MXRA5: variants seen among roughly 807,000 people sequenced by gnomAD.
MXRA5 encodes the protein matrix-remodeling-associated protein 5.
In MXRA5, 41 loss-of-function variants were observed where a neutral mutation model predicts 112.5. That is an observed-to-expected ratio of 0.36 (90% CI 0.28 to 0.47). The LOEUF (loss-of-function observed/expected upper bound fraction) is 0.47. Among genes scored for constraint, MXRA5 ranks in the 20% least tolerant of loss-of-function variants. The pLI is 0.99. For synonymous variants in MXRA5, 862 were observed against 900.8 expected, an observed-to-expected ratio of 0.96 and a Z score of 0.77; for missense variants, 2,150 against 2,251.0, an observed-to-expected ratio of 0.96 and a Z score of 0.91.
At position 3,324,331 on chromosome X, in the gene MXRA5, G is replaced by A. The variant is rs1421832651; in HGVS notation, c.1354C>T (p.Leu452=). The change falls in exon 5 of 7, where the codon CTA becomes TTA. Residue 452 remains leucine, a synonymous_variant. Transcript: ENST00000217939. The part of the protein sequence containing the change: ...NRRQSTAKKV[L]LSYYTQYSQT... ...GAATACTGGGTGTAGTAGGAAAGTA[G>A]CACCTTCTTGGCCGTACTCTGACGT... 3 of 1,209,519 alleles carry A rather than the reference G, an allele frequency of 2.5e-6. No individual in the cohort carries two copies. Among genetic ancestry groups the A allele is most frequent in the Non-Finnish European group, 3.4e-6 (3 of 895,143 alleles).
At chrX:3,335,062 A>G (rs1921752183) in intron 2 of MXRA5, among the ~76,000 whole-genome samples, 1 of 111,693 alleles carries the variant, frequency 9.0e-6, no homozygotes, top group Admixed American at 9.5e-5. Context: ...CTCCTCTATA[A>G]TGGGGACATT....
chrX:3,328,691 G>A (rs1408261366), intron 4 of MXRA5, among the ~76,000 whole-genome samples: 4 of 108,363 alleles, frequency 3.7e-5, no homozygotes, highest in Non-Finnish European at 7.6e-5. Context: ...TCCAGGATAT[G>A]GTAAACACAA....
intron 4 of MXRA5, among the ~76,000 whole-genome samples, chrX:3,325,863 A>AT (rs751909103): frequency 3.1e-5 from 1 of 32,786 alleles, no homozygotes; most frequent in African/African-American, 8.6e-5. Flanking sequence ...TTATAATTAT[A>AT]ATTTATAATA....
chrX:3,317,370 T>C lies in MXRA5; in HGVS notation c.6311A>G (p.Asn2104Ser), dbSNP rs368971527. The change falls in exon 6 of 7, where the codon AAC becomes AGC. Residue 2104 changes from asparagine (N) to serine (S), a missense_variant. This residue lies in a region of MXRA5 where 1,485 missense variants were observed against 1,471.6 expected (regional missense o/e 1.01). Transcript: ENST00000217939. The part of the protein sequence containing the change: ...FLHGNLFVFP[N>S]GTLYIRNLAP... ...GAGGTTGCGGATGTAGAGCGTCCCGTTGGGGAAAACAAACAAGTTCCCGTG... is the reference window on the plus strand; with the variant it reads ...GAGGTTGCGGATGTAGAGCGTCCCGCTGGGGAAAACAAACAAGTTCCCGTG... The C allele has an allele frequency of 4.1e-6, 5 of 1,208,743 alleles. No individual in the cohort carries two copies. Among genetic ancestry groups the C allele is most frequent in the African/African-American group, 1.7e-5 (1 of 57,603 alleles).
chrX:3,321,616 A>G lies in MXRA5; in HGVS notation c.4069T>C (p.Ser1357Pro). 3 of 1,211,203 alleles carry G rather than the reference A, an allele frequency of 2.5e-6. No individual in the cohort carries two copies. Among genetic ancestry groups the G allele is most frequent in the African/African-American group, 3.5e-5 (2 of 57,806 alleles). ...AATTCTCCCATAGTGGAGACCAAGG[A>G]GCGAGAAGTTGGTATGGCATTAGTA... is the stretch of plus-strand genomic sequence containing the variant. ...SITNAIPTSR[S>P]LVSTMGEFKE... The change falls in exon 5 of 7, where the codon TCC (serine) becomes CCC (proline). Residue 1357 changes from serine (S) to proline (P), a missense_variant. Coordinates refer to ENST00000217939, the MANE Select transcript of MXRA5 (RefSeq NM_015419.4).
Position 3,317,397 on chromosome X carries a change from A to G in MXRA5, c.6284T>C (p.Leu2095Pro), listed in dbSNP as rs1252175267. The G allele has an allele frequency of 8.3e-7, 1 of 1,206,649 alleles. No homozygotes were observed. Reference protein sequence around the residue: ...DGTQIRPSQFLHGNLFVFPNG... With the variant: ...DGTQIRPSQFPHGNLFVFPNG... ...GGGGAAAACAAACAAGTTCCCGTGG[A>G]GGAACTGCGAGGGGCGGATCTGGGT... is the stretch of plus-strand genomic sequence containing the variant. The change falls in exon 6 of 7, where the codon CTC becomes CCC. Residue 2095 changes from leucine (L) to proline (P), a missense_variant. Leu to Pro is a moderately conservative substitution (Grantham distance 98). Coordinates refer to ENST00000217939, the MANE Select transcript of MXRA5 (RefSeq NM_015419.4).
In MXRA5 at chrX:3,323,810, T is replaced by C; in HGVS notation, c.1875A>G (p.Thr625=). The C allele has an allele frequency of 8.3e-7, 1 of 1,211,405 alleles. No homozygotes were observed. ...CATTTGGCAACATGTATACATGTGA[T>C]GTGTTAGCCAAATCATTAATTATCC... ...NRRIINDLAN[T]SHVYMLPNGT... Residue 625 remains threonine, a synonymous_variant, in exon 5 of 7, where the codon ACA becomes ACG. Transcript: ENST00000217939.
In MXRA5 at chrX:3,343,750, C is replaced by T. The variant is rs774579439; in HGVS notation, c.84G>A (p.Pro28=). The change falls in exon 2 of 7, where the codon CCG becomes CCA. Residue 28 remains proline, a synonymous_variant. Coordinates refer to ENST00000217939, the MANE Select transcript of MXRA5 (RefSeq NM_015419.4). ...TGGGGACGTAGCAGGCACAAGGATG[C>T]GGGCAGGCCAGCGCCACTCGCGGAT... ...WGHPRVALAC[P]HPCACYVPSE... is the part of the protein sequence containing the mutation. 2 of 1,211,047 alleles carry T rather than the reference C, an allele frequency of 1.7e-6. No individual in the cohort carries two copies. The highest frequency in any genetic ancestry group is 2.2e-6 in the Non-Finnish European group (2 of 895,150).
At chrX:3,319,603 T>G (rs1261780589) in intron 5 of MXRA5, among the ~76,000 whole-genome samples, 2 of 112,262 alleles carry the variant, frequency 1.8e-5, no homozygotes, top group Non-Finnish European at 3.8e-5. Context: ...ACACAAACTC[T>G]GGTTGAAGTG....
chrX:3,322,819 T>C lies in MXRA5; in HGVS notation c.2866A>G (p.Thr956Ala), dbSNP rs1391250059. ...AATGGAGGCTCATACTCACTGGATGTGGGCTCTGGTGACGATCCAACATCT... is the reference window on the plus strand; with the variant it reads ...AATGGAGGCTCATACTCACTGGATGCGGGCTCTGGTGACGATCCAACATCT... ...AADVGSSPEP[T>A]SSEYEPPLDA... is the part of the protein sequence containing the mutation. Residue 956 changes from threonine to alanine, a missense_variant, in exon 5 of 7, where the codon ACA becomes GCA. Coordinates refer to ENST00000217939, the MANE Select transcript of MXRA5 (RefSeq NM_015419.4). 8.3e-7 allele frequency: 1 copy of C among 1,209,837 alleles called. No homozygotes were observed. The highest frequency in any genetic ancestry group is 1.8e-5 in the African/African-American group (1 of 57,127).
chrX:3,330,397 G>A lies in MXRA5; in HGVS notation c.330C>T (p.Phe110=), dbSNP rs1451056921. The A allele has an allele frequency of 2.5e-6, 3 of 1,192,012 alleles. No homozygotes were observed. In the African/African-American group the frequency reaches 5.4e-5, roughly 21 times the overall value. Reference sequence around the variant, plus strand: ...TGATCACTCTCAGCTTGTTGTAGCTGAACTTGAAAACCTGCAAGGACAGGG... The same window carrying A: ...TGATCACTCTCAGCTTGTTGTAGCTAAACTTGAAAACCTGCAAGGACAGGG... The part of the protein sequence containing the change: ...RDLSSLQVFK[F]SYNKLRVITG... The change falls in exon 4 of 7, where the codon TTC becomes TTT. Residue 110 remains phenylalanine, a synonymous_variant. Transcript: ENST00000217939.
In MXRA5 at chrX:3,310,411, C is replaced by T; in HGVS notation, c.7792G>A (p.Asp2598Asn). Reference sequence around the variant, plus strand: ...AGACCGCTAATGTGTAGCATGCCGTCAGCCTTGTGGTAGAAGCGCTGCAGC... The same window carrying T: ...AGACCGCTAATGTGTAGCATGCCGTTAGCCTTGTGGTAGAAGCGCTGCAGC... ...QQLQRFYHKA[D>N]GMLHISGLSS... The change falls in exon 7 of 7, where the codon GAC becomes AAC. Residue 2598 changes from aspartate to asparagine, a missense_variant. Transcript: ENST00000217939. 1 of 1,203,023 alleles carries T rather than the reference C, an allele frequency of 8.3e-7. No homozygotes were observed. The highest frequency in any genetic ancestry group is 1.1e-6 in the Non-Finnish European group (1 of 890,930).
rs1213905091 is a variant in MXRA5 at position 3,321,489 on chromosome X, G to T, written c.4196C>A (p.Thr1399Asn). The T allele has an allele frequency of 5.8e-6, 7 of 1,211,201 alleles. No individual in the cohort carries two copies. Among genetic ancestry groups the T allele is most frequent in the Middle Eastern group, 2.3e-4 (1 of 4,277 alleles). Residue 1399 changes from threonine to asparagine, a missense_variant, in exon 5 of 7, where the codon ACT becomes AAT. By Grantham distance (65) the Thr-to-Asn change is moderately conservative (BLOSUM62 0). Transcript: ENST00000217939. ...AGGGTCTGTAAGATTTTCCCCAGAA[G>T]TGGTAACAGGTATGCCTGTCTGTAG... The part of the protein sequence containing the change: ...GRLQTGIPVT[T>N]SGENLTDPPL...
chrX:3,333,767 C>T (rs1419345776), intron 2 of MXRA5, among the ~76,000 whole-genome samples: 2 of 111,749 alleles, frequency 1.8e-5, no homozygotes, highest in Non-Finnish European at 3.8e-5. Context: ...GGGCATGAAG[C>T]TTTATTTCAT....
chrX:3,315,566 C>T (rs1921094608), intron 6 of MXRA5, among the ~76,000 whole-genome samples: 1 of 109,312 alleles, frequency 9.1e-6, no homozygotes, highest in African/African-American at 3.3e-5. Context: ...ACCAGAAGCA[C>T]CCACTGCCCC....
At position 3,330,036 on chromosome X, in the gene MXRA5, A is replaced by G; in HGVS notation, c.691T>C (p.Trp231Arg). The change falls in exon 4 of 7, where the codon TGG becomes CGG. Residue 231 changes from tryptophan (W) to arginine (R), a missense_variant. Physicochemically the swap from Trp to Arg is moderately radical, Grantham distance 101. Coordinates refer to ENST00000217939, the MANE Select transcript of MXRA5 (RefSeq NM_015419.4). ...TTCTTACCTCTGGATTTTGCATCCCATTCCAAAAACCATCTCATCTCACAA... is the reference window on the plus strand; with the variant it reads ...TTCTTACCTCTGGATTTTGCATCCCGTTCCAAAAACCATCTCATCTCACAA... ...CDCEMRWFLE[W>R]DAKSRGILKC... The G allele has an allele frequency of 8.3e-7, 1 of 1,210,701 alleles. No individual in the cohort carries two copies. Among genetic ancestry groups the G allele is most frequent in the Non-Finnish European group, 1.1e-6 (1 of 895,159 alleles).
At chrX:3,335,897 C>A (rs1266910660) in intron 2 of MXRA5, among the ~76,000 whole-genome samples, 1 of 112,311 alleles carries the variant, frequency 8.9e-6, no homozygotes, top group African/African-American at 3.2e-5. Context: ...TTGTTCACTG[C>A]AAGAAGCCCT....
chrX:3,333,767 C>A (rs1419345776), intron 2 of MXRA5, among the ~76,000 whole-genome samples: 2 of 111,749 alleles, frequency 1.8e-5, no homozygotes, highest in Admixed American at 1.9e-4. Context: ...GGGCATGAAG[C>A]TTTATTTCAT....
In MXRA5 at chrX:3,322,082, A is replaced by G. The variant is rs367946458; in HGVS notation, c.3603T>C (p.Val1201=). The G allele has an allele frequency of 6.6e-6, 8 of 1,208,793 alleles. No homozygotes were observed. The African/African-American group carries it at 1.2e-4, about 19-fold the overall frequency. The part of the protein sequence containing the change: ...KISSQVESSL[V]PTAWVDNTVN... Reference sequence around the variant, plus strand: ...CTGTGTTATCCACCCAAGCTGTAGGAACCAGAGAACTCTCCACTTGACTTG... The same window carrying G: ...CTGTGTTATCCACCCAAGCTGTAGGGACCAGAGAACTCTCCACTTGACTTG... The change falls in exon 5 of 7, where the codon GTT becomes GTC. Residue 1201 remains valine, a synonymous_variant. Coordinates refer to ENST00000217939, the MANE Select transcript of MXRA5 (RefSeq NM_015419.4).
Sources: allele counts gnomAD v4.1 joint callset (sites outside exome capture counted in the v4.1 genomes callset), GRCh38; gene constraint gnomAD v4.1.1; regional missense constraint gnomAD v4.1.1; transcripts MANE v1.5; gene names NCBI Gene and HGNC (gene_info 2026-07-23, HGNC 2026-07-21).